The following FAM117A variants were observed in gnomAD, a reference collection of about 807,000 sequenced individuals.
FAM117A encodes the protein protein FAM117A.
A neutral mutation model predicts 44.1 loss-of-function variants in FAM117A; 21 were observed. That is an observed-to-expected ratio of 0.48 (90% CI 0.34 to 0.69). FAM117A has a LOEUF of 0.69. Among genes scored for constraint, FAM117A ranks in the 30% least tolerant of loss-of-function variants. The pLI, the probability that FAM117A is intolerant of heterozygous loss-of-function variation, is 0.01. For missense variants in FAM117A, 498 were observed against 589.9 expected (o/e 0.84, Z 1.61); for synonymous variants, 220 against 238.3 (o/e 0.92, Z 0.71).
Position 49,732,703 on chromosome 17 carries a change from C to T in FAM117A, c.214G>A (p.Val72Met), listed in dbSNP as rs540981062. 6.2e-7 allele frequency: 1 copy of T among 1,613,630 alleles called. No individual in the cohort carries two copies. Among genetic ancestry groups the T allele is most frequent in the Non-Finnish European group, 8.5e-7 (1 of 1,179,778 alleles). Residue 72 changes from valine to methionine, a missense_variant, in exon 2 of 8, where the codon GTG (valine) becomes ATG (methionine). Physicochemically the swap from Val to Met is conservative, Grantham distance 21. This residue lies in a region of FAM117A where 270 missense variants were observed against 277.4 expected (regional missense o/e 0.97). Coordinates refer to ENST00000240364, the MANE Select transcript of FAM117A (RefSeq NM_030802.4). ...CTACACACTGACTTTTCTGGGGCCA[C>T]CGAGCATGGGACGCTGGCTGCAAGA... is the stretch of plus-strand genomic sequence containing the variant. ...GGRAASVPCS[V>M]APEKSVCRPQ...
intron 2 of FAM117A, among the ~76,000 whole-genome samples, chr17:49,728,530 G>A (rs2073570421): frequency 6.6e-6 from 1 of 151,996 alleles, no homozygotes. Context: ...TAGAATGGGG[G>A]GCTGGGCTAG....
intron 1 of FAM117A, among the ~76,000 whole-genome samples, chr17:49,748,411 C>T (rs962789136): frequency 3.3e-5 from 5 of 152,176 alleles, no homozygotes; most frequent in East Asian, 3.8e-4. Context: ...GCAGCCTCTT[C>T]GCATCCTCCT....
intron 1 of FAM117A, among the ~76,000 whole-genome samples, chr17:49,761,671 T>G (rs2073722922): frequency 6.6e-6 from 1 of 152,210 alleles, no homozygotes. Context: ...TTTTATCCCA[T>G]ATACTCTACT....
intron 2 of FAM117A, among the ~76,000 whole-genome samples, chr17:49,726,367 C>G (rs909447246): frequency 6.6e-6 from 1 of 152,028 alleles, no homozygotes; most frequent in Non-Finnish European, 1.5e-5. Flanking sequence ...CATGTGCCAC[C>G]ACACCTGGCT....
intron 1 of FAM117A, among the ~76,000 whole-genome samples, chr17:49,755,263 G>A (rs1201656616): frequency 2.0e-5 from 3 of 152,154 alleles, no homozygotes; most frequent in South Asian, 4.1e-4. Flanking sequence ...GGAGAGGGGC[G>A]CTTTCAGCCT....
At chr17:49,763,123 TACACACAC>T (rs10603200) in intron 1 of FAM117A, among the ~76,000 whole-genome samples, 4,201 of 141,152 alleles carry the variant, frequency 0.03, 158 homozygotes, top group African/African-American at 0.092. Context: ...TCCCCCCCGC[TACACACAC>T]ACACACACAC....
chr17:49,718,393 G>C (rs980008140), intron 5 of FAM117A, among the ~76,000 whole-genome samples: 14 of 152,226 alleles, frequency 9.2e-5, no homozygotes, highest in Non-Finnish European at 2.1e-4. Flanking sequence ...GGCCAGCTGG[G>C]CGCAGTGGCT....
At chr17:49,781,528 C>A (rs1291318148) in intron 1 of FAM117A, among the ~76,000 whole-genome samples, 2 of 152,178 alleles carry the variant, frequency 1.3e-5, no homozygotes, top group African/African-American at 4.8e-5. Context: ...ACACTCACTG[C>A]AGCATTATCT....
intron 2 of FAM117A, among the ~76,000 whole-genome samples, chr17:49,726,786 G>C (rs895710263): frequency 2.0e-5 from 3 of 151,852 alleles, no homozygotes; most frequent in African/African-American, 4.8e-5. Flanking sequence ...AAACCAGCCT[G>C]GTCAACTAGC....
upstream of FAM117A, among the ~76,000 whole-genome samples, chr17:49,764,783 C>T (rs1312278149): frequency 6.6e-6 from 1 of 152,188 alleles, no homozygotes; most frequent in Non-Finnish European, 1.5e-5. Flanking sequence ...GACCTTGCCT[C>T]GTGTGACACT....
chr17:49,787,971 C>A (rs2143816308), intron 1 of FAM117A, among the ~76,000 whole-genome samples: 1 of 152,268 alleles, frequency 6.6e-6, no homozygotes, highest in Middle Eastern at 3.4e-3. Flanking sequence ...ATTTTTCACC[C>A]CAGGGCCCCC....
intron 1 of FAM117A, among the ~76,000 whole-genome samples, chr17:49,757,715 T>G (rs776250031): frequency 6.6e-6 from 1 of 152,286 alleles, no homozygotes; most frequent in South Asian, 2.1e-4. Context: ...TCAGGATTTG[T>G]TTTTGACCTA....
Position 49,711,220 on chromosome 17 carries a change from G to C in FAM117A, c.*35C>G, listed in dbSNP as rs1470135998. ...GGGAGGGACCTGCCACCAAGGCACTGGTCTCTATGGTAAAGTGGGGCAGGG... is the reference window on the plus strand; with the variant it reads ...GGGAGGGACCTGCCACCAAGGCACTCGTCTCTATGGTAAAGTGGGGCAGGG... On this transcript the variant is annotated 3_prime_UTR_variant, in exon 8 of 8. Coordinates refer to ENST00000240364, the MANE Select transcript of FAM117A (RefSeq NM_030802.4). The C allele has an allele frequency of 5.8e-6, 9 of 1,550,078 alleles. No individual in the cohort carries two copies. The highest frequency in any genetic ancestry group is 7.0e-6 in the Non-Finnish European group (8 of 1,146,550).
intron 1 of FAM117A, among the ~76,000 whole-genome samples, chr17:49,759,660 C>G (rs1044320276): frequency 6.6e-6 from 1 of 152,212 alleles, no homozygotes; most frequent in South Asian, 2.1e-4. Context: ...CTTAGGGTCT[C>G]TAATATGCAA....
chr17:49,720,066 G>C (rs908811649), intron 4 of FAM117A, 172 bp from the exon 5 acceptor site: 2 of 929,818 alleles, frequency 2.2e-6, no homozygotes, highest in South Asian at 3.6e-5. Flanking sequence ...TTCTCCAAAA[G>C]TTTGAGCTTT....
intron 5 of FAM117A, 147 bp downstream of exon 5, chr17:49,719,613 G>T: frequency 1.0e-6 from 1 of 985,278 alleles, no homozygotes; most frequent in Non-Finnish European, 1.4e-6. Context: ...AACTCCATTT[G>T]CATTCCTTTT....
intron 7 of FAM117A, among the ~76,000 whole-genome samples, chr17:49,714,935 C>T (rs1175135291): frequency 6.6e-6 from 1 of 152,130 alleles, no homozygotes; most frequent in Non-Finnish European, 1.5e-5. Context: ...AGGCATGAGC[C>T]ACTGCACCGA....
At chr17:49,781,683 A>G (rs1248002158) in intron 1 of FAM117A, among the ~76,000 whole-genome samples, 4 of 152,232 alleles carry the variant, frequency 2.6e-5, no homozygotes, top group Non-Finnish European at 4.4e-5. Flanking sequence ...GATGTACAAA[A>G]TATAAAATTT....
At chr17:49,720,551 A>T in intron 3 of FAM117A, 115 bp from the exon 4 acceptor site, 1 of 720,828 alleles carries the variant, frequency 1.4e-6, no homozygotes, top group Non-Finnish European at 2.4e-6. Context: ...TACAAGGAGG[A>T]TGGAAGTTAA....
Sources: allele counts gnomAD v4.1 joint callset (sites outside exome capture counted in the v4.1 genomes callset), GRCh38; gene constraint gnomAD v4.1.1; regional missense constraint gnomAD v4.1.1; transcripts MANE v1.5; gene names NCBI Gene and HGNC (gene_info 2026-07-23, HGNC 2026-07-21).